The following MAGI2 variants were observed in gnomAD, a reference collection of about 807,000 sequenced individuals.
MAGI2 encodes the protein membrane associated guanylate kinase, WW and PDZ domain containing 2, also known as membrane-associated guanylate kinase, WW and PDZ domain-containing protein 2.
MAGI2 carries 35 observed loss-of-function variants against 133.3 expected under a neutral mutation model. The ratio of observed to expected loss-of-function variants is 0.26; its 90% CI spans 0.20 to 0.35. The LOEUF (loss-of-function observed/expected upper bound fraction) is 0.35. Ranked by LOEUF, MAGI2 falls within the 10% of genes least tolerant of loss-of-function variation. The pLI is 1.00. For missense variants in MAGI2, 1,636 were observed against 1,863.4 expected (o/e 0.88, Z 2.25); for synonymous variants, 729 against 710.6 (o/e 1.03, Z -0.41).
chr7:78,682,242 A>G lies in MAGI2; in HGVS notation c.419-55003T>C, dbSNP rs77202349. On this transcript the variant is annotated intron_variant, in intron 2 of 21. Coordinates refer to ENST00000354212, the MANE Select transcript of MAGI2 (RefSeq NM_012301.4). ...GAAATGCTTAAACTTCCCCTTGTAA[A>G]TAGAATTTTCTGGGATACATGTGTA... 4.9e-3 allele frequency among the ~76,000 whole-genome samples: 753 copies of G among 152,182 alleles called. 13 individuals carry two copies. The East Asian group carries it at 0.074, about 15-fold the overall frequency.
At chr7:78,219,748 CA>C (rs1788625944) in intron 10 of MAGI2, among the ~76,000 whole-genome samples, 1 of 152,188 alleles carries the variant, frequency 6.6e-6, no homozygotes, top group Non-Finnish European at 1.5e-5. Context: ...CAAATTTGTC[CA>C]TTCCATCCTC....
chr7:78,847,247 G>A (rs538621492), intron 2 of MAGI2, among the ~76,000 whole-genome samples: 41 of 151,860 alleles, frequency 2.7e-4, no homozygotes, highest in African/African-American at 8.9e-4. Context: ...ACATATTTTA[G>A]GAATACAAAT....
intron 3 of MAGI2, chr7:78,614,666 T>C (rs1387843838): frequency 2.0e-5 from 3 of 152,190 alleles, no homozygotes; most frequent in Admixed American, 6.5e-5. Flanking sequence ...TCTGATATAA[T>C]TGTTGAGACA....
At chr7:78,595,989 G>A (rs1804552706) in intron 3 of MAGI2, among the ~76,000 whole-genome samples, 1 of 152,108 alleles carries the variant, frequency 6.6e-6, no homozygotes, top group African/African-American at 2.4e-5. Flanking sequence ...TGCATGAATT[G>A]GGATCAAAAT....
intron 1 of MAGI2, among the ~76,000 whole-genome samples, chr7:79,073,154 C>T (rs1021500678): frequency 1.3e-5 from 2 of 152,270 alleles, no homozygotes; most frequent in Non-Finnish European, 2.9e-5. Context: ...GAATTAAACC[C>T]TTGGGGCCAA....
At chr7:78,564,161 A>G (rs1313863376) in intron 3 of MAGI2, among the ~76,000 whole-genome samples, 1 of 152,182 alleles carries the variant, frequency 6.6e-6, no homozygotes, top group Non-Finnish European at 1.5e-5. Context: ...TAACTGTGGA[A>G]GAATCCCGCA....
rs181614811 is a variant in MAGI2 at position 78,626,276 on chromosome 7, T to C, written c.538+844A>G. Among the ~76,000 whole-genome samples, 162 of 152,306 alleles carry C rather than the reference T, an allele frequency of 1.1e-3. 1 individual carries two copies. Among genetic ancestry groups the C allele is most frequent in the African/African-American group, 3.7e-3 (155 of 41,576 alleles). On this transcript the variant is annotated intron_variant, in intron 3 of 21. Coordinates refer to ENST00000354212, the MANE Select transcript of MAGI2 (RefSeq NM_012301.4). ...TTTAGTTATAATTTCATTATATATATACACAGATACATATTTTCATTAGAT... is the reference window on the plus strand; with the variant it reads ...TTTAGTTATAATTTCATTATATATACACACAGATACATATTTTCATTAGAT...
chr7:78,187,451 A>G lies in MAGI2; in HGVS notation c.2270-1781T>C, dbSNP rs1231665114. Among the ~76,000 whole-genome samples the G allele has an allele frequency of 5.3e-5, 8 of 152,326 alleles. No homozygotes were observed. The South Asian group carries it at 1.2e-3, about 24-fold the overall frequency. On this transcript the variant is annotated intron_variant, in intron 12 of 21. Transcript: ENST00000354212. ...CCCATTCTGAATGTTTTAAGATGACATAATTTTATAAGATAGTTGTACCAT... is the reference window on the plus strand; with the variant it reads ...CCCATTCTGAATGTTTTAAGATGACGTAATTTTATAAGATAGTTGTACCAT...
intron 9 of MAGI2, among the ~76,000 whole-genome samples, chr7:78,288,410 T>G (rs1796366807): frequency 6.6e-6 from 1 of 152,230 alleles, no homozygotes; most frequent in Non-Finnish European, 1.5e-5. Context: ...TTAACTTCTA[T>G]TTGACATTAC....
At chr7:78,799,084 T>G (rs1787850815) in intron 2 of MAGI2, among the ~76,000 whole-genome samples, 1 of 152,208 alleles carries the variant, frequency 6.6e-6, no homozygotes, top group Non-Finnish European at 1.5e-5. Context: ...TAAAATTTAT[T>G]CTTTCTTTGG....
chr7:79,333,059 A>G (rs992498090), intron 1 of MAGI2, among the ~76,000 whole-genome samples: 4 of 152,134 alleles, frequency 2.6e-5, no homozygotes, highest in African/African-American at 9.7e-5. Context: ...ACTACTGCCC[A>G]CTTCCTCTCA....
intron 2 of MAGI2, among the ~76,000 whole-genome samples, chr7:78,738,714 A>T (rs1471180962): frequency 6.6e-6 from 1 of 152,168 alleles, no homozygotes; most frequent in African/African-American, 2.4e-5. Context: ...AATATTGAGA[A>T]TAAAATAAAT....
chr7:78,219,664 C>T (rs114849930), intron 10 of MAGI2, among the ~76,000 whole-genome samples: 1 of 152,186 alleles, frequency 6.6e-6, no homozygotes, highest in Non-Finnish European at 1.5e-5. Context: ...TCTCTTCCCC[C>T]ACAACTTGCC....
At chr7:78,667,757 A>G (rs1813800881) in intron 2 of MAGI2, among the ~76,000 whole-genome samples, 1 of 152,146 alleles carries the variant, frequency 6.6e-6, no homozygotes, top group East Asian at 1.9e-4. Flanking sequence ...TCCATGGTGT[A>G]TATGTGCCAC....
At position 78,019,474 on chromosome 7, in the gene MAGI2, C is replaced by T. The variant is rs1451283764; in HGVS notation, c.4209G>A (p.Glu1403=). 9 of 980,412 alleles carry T rather than the reference C, an allele frequency of 9.2e-6. No individual in the cohort carries two copies. The highest frequency in any genetic ancestry group is 1.0e-3 in the Middle Eastern group (2 of 1,932). The allele number at this position is 980,412 out of a possible 1,614,324, so 60.7% of individuals were successfully genotyped here. A position where few individuals can be genotyped will look rare whatever the true frequency, so the allele number is the denominator to read the frequency against. Residue 1403 remains glutamate, a synonymous_variant, in exon 22 of 22, where the codon GAG becomes GAA. Transcript: ENST00000354212. ...GACCCGCGCGCGCACCCGCCCTGCCCTCGGCCTCCAGCGCGCCGCTGCCGC... is the reference window on the plus strand; with the variant it reads ...GACCCGCGCGCGCACCCGCCCTGCCTTCGGCCTCCAGCGCGCCGCTGCCGC... ...GGGGSGALEA[E]GRAGARAGPR...
chr7:78,247,955 T>C (rs1266454439), intron 10 of MAGI2, among the ~76,000 whole-genome samples: 1 of 152,136 alleles, frequency 6.6e-6, no homozygotes, highest in South Asian at 2.1e-4. Context: ...GATAAAAACA[T>C]CCAGATTAAT....
intron 20 of MAGI2, among the ~76,000 whole-genome samples, chr7:78,092,281 T>A (rs935536830): frequency 4.6e-5 from 7 of 152,226 alleles, no homozygotes; most frequent in Non-Finnish European, 1.0e-4. Flanking sequence ...TCAATGGTAT[T>A]GACAATGAGT....
intron 16 of MAGI2, among the ~76,000 whole-genome samples, chr7:78,135,743 G>A (rs1002868762): frequency 8.3e-5 from 3 of 36,332 alleles, no homozygotes; most frequent in African/African-American, 4.4e-4. Flanking sequence ...AAAGAAATAT[G>A]TGTTAAATGG....
At chr7:79,175,598 C>A (rs766610457) in intron 1 of MAGI2, among the ~76,000 whole-genome samples, 1 of 151,896 alleles carries the variant, frequency 6.6e-6, no homozygotes. Flanking sequence ...CATCCTCAGG[C>A]AATTTCACCG....
Sources: allele counts gnomAD v4.1 joint callset (sites outside exome capture counted in the v4.1 genomes callset), GRCh38; gene constraint gnomAD v4.1.1; transcripts MANE v1.5; gene names NCBI Gene and HGNC (gene_info 2026-07-23, HGNC 2026-07-21).